Variants in TMC1 observed in about 807,000 individuals in gnomAD.
TMC1 encodes the protein transmembrane channel-like protein 1.
Under a neutral mutation model 105.8 loss-of-function variants are expected in TMC1, and 84 were observed. The ratio of observed to expected loss-of-function variants is 0.79; its 90% CI spans 0.67 to 0.95. TMC1 has a LOEUF of 0.95. Ranked by LOEUF, TMC1 falls within the 40% of genes least tolerant of loss-of-function variation. The probability of loss-of-function intolerance (pLI) is 0.00; values close to 1 mark genes in which losing one functional copy is unlikely to be tolerated. For missense variants in TMC1, 817 were observed against 914.1 expected (o/e 0.89, Z 1.37); for synonymous variants, 315 against 311.5 (o/e 1.01, Z -0.12).
At chr9:72,539,970 C>G (rs938335277) in intron 1 of TMC1, among the ~76,000 whole-genome samples, 7 of 152,190 alleles carry the variant, frequency 4.6e-5, no homozygotes, top group African/African-American at 7.2e-5. Context: ...TGAAGGGGAG[C>G]CTCCATGTGC....
At chr9:72,684,669 GT>G (rs1473196369) in intron 5 of TMC1, among the ~76,000 whole-genome samples, 1 of 152,058 alleles carries the variant, frequency 6.6e-6, no homozygotes, top group East Asian at 1.9e-4. Context: ...CCTACTTAAT[GT>G]CATGCTTGGA....
intron 5 of TMC1, among the ~76,000 whole-genome samples, chr9:72,674,150 A>G (rs916809363): frequency 6.6e-6 from 1 of 152,232 alleles, no homozygotes; most frequent in Admixed American, 6.5e-5. Flanking sequence ...GCAGAAATAA[A>G]TGGAAACCTC....
intron 2 of TMC1, among the ~76,000 whole-genome samples, chr9:72,585,783 C>T (rs1824546330): frequency 6.6e-6 from 1 of 152,082 alleles, no homozygotes; most frequent in Non-Finnish European, 1.5e-5. Flanking sequence ...CATTGCCATT[C>T]AGCCATCAAG....
chr9:72,792,702 T>C (rs1334260455), intron 17 of TMC1, among the ~76,000 whole-genome samples: 1 of 152,146 alleles, frequency 6.6e-6, no homozygotes, highest in African/African-American at 2.4e-5. Flanking sequence ...TGTTACTTGT[T>C]TGCTGTAAAA....
intron 17 of TMC1, among the ~76,000 whole-genome samples, chr9:72,793,964 G>T (rs1828320971): frequency 1.3e-5 from 2 of 152,130 alleles, no homozygotes; most frequent in South Asian, 4.1e-4. Flanking sequence ...AACTGCCCTT[G>T]CTACCCTTGG....
chr9:72,625,289 C>G (rs1227906041), intron 3 of TMC1, among the ~76,000 whole-genome samples: 1 of 152,134 alleles, frequency 6.6e-6, no homozygotes, highest in African/African-American at 2.4e-5. Flanking sequence ...TGTAGCAAGA[C>G]AGAACATTCA....
In TMC1 at chr9:72,837,828, C is replaced by T. The variant is rs1201516861; in HGVS notation, c.*1855C>T. 1 of 152,314 alleles carries T rather than the reference C, an allele frequency of 6.6e-6. No individual in the cohort carries two copies. The highest frequency in any genetic ancestry group is 1.9e-4 in the East Asian group (1 of 5,186). The allele number at this position is 152,314 out of a possible 1,614,324, so 9.4% of individuals were successfully genotyped here. A position where few individuals can be genotyped will look rare whatever the true frequency, so the allele number is the denominator to read the frequency against. The stretch of plus-strand genomic sequence containing the variant: ...GCCATAGAATAATCGCACTGTTTCC[C>T]TGCCAGTTCTAAACTTTATTCCTCT... On this transcript the variant is annotated 3_prime_UTR_variant, in exon 24 of 24. Coordinates refer to ENST00000297784, the MANE Select transcript of TMC1 (RefSeq NM_138691.3).
chr9:72,552,551 G>T (rs548012339), intron 1 of TMC1, among the ~76,000 whole-genome samples: 1 of 152,262 alleles, frequency 6.6e-6, no homozygotes, highest in South Asian at 2.1e-4. Flanking sequence ...ACTTTGTCAG[G>T]ACACTCTGGT....
intron 19 of TMC1, among the ~76,000 whole-genome samples, chr9:72,819,057 A>G (rs1353565530): frequency 1.3e-5 from 2 of 152,238 alleles, no homozygotes; most frequent in African/African-American, 2.4e-5. Context: ...TTATGCAGCA[A>G]TGAAACAACC....
chr9:72,716,573 C>A (rs1004815509), intron 8 of TMC1, among the ~76,000 whole-genome samples: 2 of 152,114 alleles, frequency 1.3e-5, no homozygotes, highest in Non-Finnish European at 2.9e-5. Flanking sequence ...GAGGGTAAAA[C>A]CCCCTACTCA....
intron 13 of TMC1, among the ~76,000 whole-genome samples, chr9:72,780,719 A>G (rs1471978407): frequency 6.6e-6 from 1 of 152,232 alleles, no homozygotes; most frequent in Non-Finnish European, 1.5e-5. Context: ...AAAAAGGGAC[A>G]AAGAAGAGGA....
intron 5 of TMC1, among the ~76,000 whole-genome samples, chr9:72,677,177 T>C (rs1340197807): frequency 6.6e-6 from 1 of 150,966 alleles, no homozygotes; most frequent in African/African-American, 2.4e-5. Context: ...AACTGGTTCA[T>C]GGAGGCTAAA....
intron 1 of TMC1, among the ~76,000 whole-genome samples, chr9:72,541,343 A>C (rs1823672841): frequency 6.6e-6 from 1 of 152,348 alleles, no homozygotes; most frequent in South Asian, 2.1e-4. Context: ...CATACAGAAC[A>C]GTAGATACTG....
rs114711007 is a variant in TMC1, at chr9:72,748,061, G to C, written c.536-3789G>C. Among the ~76,000 whole-genome samples the C allele has an allele frequency of 6.9e-3, 1,057 of 152,168 alleles. 15 individuals are homozygous for C. Among genetic ancestry groups the C allele is most frequent in the African/African-American group, 0.023 (941 of 41,468 alleles). On this transcript the variant is annotated intron_variant, in intron 10 of 23. Transcript: ENST00000297784. The stretch of plus-strand genomic sequence containing the variant: ...ATTGTTTCAGAAACACATATTCATT[G>C]CATGTTTATTGTATATATCATAGTC...
In TMC1 at chr9:72,557,650, C is replaced by T. The variant is rs149420325; in HGVS notation, c.-427-20252C>T. On this transcript the variant is annotated intron_variant, in intron 1 of 23. Coordinates refer to ENST00000297784, the MANE Select transcript of TMC1 (RefSeq NM_138691.3). ...TACCGACTTCAGAGGCAGCATGTCT[C>T]AAGGCCTCTCCAATGTGTGTCAGGG... Among the ~76,000 whole-genome samples the T allele has an allele frequency of 4.6e-5, 7 of 152,326 alleles. No homozygotes were observed. The East Asian group carries it at 1.4e-3, about 29-fold the overall frequency.
intron 5 of TMC1, among the ~76,000 whole-genome samples, chr9:72,676,942 A>G (rs1053441155): frequency 1.3e-5 from 2 of 150,760 alleles, no homozygotes; most frequent in Admixed American, 6.6e-5. Context: ...GAAACTGCCT[A>G]ATGAACCTGA....
chr9:72,740,031 C>G (rs148152869), intron 8 of TMC1, 88 bp from the exon 9 acceptor site: 2 of 987,456 alleles, frequency 2.0e-6, no homozygotes. Flanking sequence ...AGACTGCAGA[C>G]CTGGTAAATT....
At chr9:72,690,074 T>C (rs1826439663) in intron 6 of TMC1, among the ~76,000 whole-genome samples, 2 of 152,046 alleles carry the variant, frequency 1.3e-5, no homozygotes, top group South Asian at 2.1e-4. Flanking sequence ...ATTTTTATTA[T>C]AGTGATATAC....
At chr9:72,608,051 G>A (rs1208021470) in intron 2 of TMC1, 1 of 152,150 alleles carries the variant, frequency 6.6e-6, no homozygotes, top group Non-Finnish European at 1.5e-5. Context: ...AGTAAATTGA[G>A]ATTCAGGCTT....
Sources: gnomAD v4.1 joint callset for allele counts (sites outside exome capture counted in the v4.1 genomes callset) on GRCh38, gnomAD v4.1.1 for gene constraint, MANE v1.5 for transcripts, NCBI Gene and HGNC (gene_info 2026-07-23, HGNC 2026-07-21) for gene names.